Variants in ABCC11 observed in about 807,000 individuals in gnomAD.
ABCC11 encodes the protein ATP-binding cassette sub-family C member 11.
In ABCC11, 135 loss-of-function variants were observed where a neutral mutation model predicts 149.3. The observed-to-expected ratio is 0.90, with a 90% confidence interval of 0.79 to 1.04. The LOEUF is 1.04. Among genes scored for constraint, ABCC11 ranks in the 50% least tolerant of loss-of-function variants. The pLI is 0.00. For synonymous variants in ABCC11, 665 were observed against 671.4 expected (o/e 0.99, Z 0.15); for missense variants, 1,680 against 1,722.1 (o/e 0.98, Z 0.43).
chr16:48,188,689 G>A (rs1430904282), intron 20 of ABCC11, among the ~76,000 whole-genome samples: 1 of 152,162 alleles, frequency 6.6e-6, no homozygotes. Context: ...TACTCATTAC[G>A]CAAGTGGTTA....
intron 7 of ABCC11, 78 bp downstream of exon 7, chr16:48,216,036 A>G: frequency 6.9e-7 from 1 of 1,445,664 alleles, no homozygotes; most frequent in Non-Finnish European, 9.6e-7. Context: ...CAATGTTCTC[A>G]CTCAGAGCTA....
intron 10 of ABCC11, 116 bp downstream of exon 10, chr16:48,213,327 A>T: frequency 1.2e-6 from 1 of 827,518 alleles, no homozygotes; most frequent in Non-Finnish European, 1.9e-6. Context: ...GAGTTAGCTA[A>T]TCCCTCTCTC....
In ABCC11 at chr16:48,167,192, G is replaced by T. The variant is rs575394783; in HGVS notation, c.*82C>A. 2 of 748,446 alleles carry T rather than the reference G, an allele frequency of 2.7e-6. No individual in the cohort carries two copies. The highest frequency in any genetic ancestry group is 2.5e-5 in the East Asian group (1 of 40,594). The allele number at this position is 748,446 out of a possible 1,614,324, so 46.4% of individuals were successfully genotyped here. A position where few individuals can be genotyped will look rare whatever the true frequency, so the allele number is the denominator to read the frequency against. Reference sequence around the variant, plus strand: ...GAAGTTCTCATCTCCAAACAAGAAGGTCGCAGACTGTGGGCCTCGAAGCTG... The same window carrying T: ...GAAGTTCTCATCTCCAAACAAGAAGTTCGCAGACTGTGGGCCTCGAAGCTG... On this transcript the variant is annotated 3_prime_UTR_variant, in exon 30 of 30. Coordinates refer to ENST00000356608, the MANE Select transcript of ABCC11 (RefSeq NM_001370497.1).
At chr16:48,234,806 A>G (rs1188241035) in intron 1 of ABCC11, among the ~76,000 whole-genome samples, 1 of 152,156 alleles carries the variant, frequency 6.6e-6, no homozygotes, top group African/African-American at 2.4e-5. Context: ...GAGCCAAAAA[A>G]GGATTACTGT....
chr16:48,219,525 C>T (rs1368801973), intron 6 of ABCC11, among the ~76,000 whole-genome samples: 1 of 152,146 alleles, frequency 6.6e-6, no homozygotes, highest in Non-Finnish European at 1.5e-5. Context: ...TGGTGCTAAT[C>T]TCTGGGCACA....
intron 6 of ABCC11, among the ~76,000 whole-genome samples, chr16:48,219,992 T>A (rs764030003): frequency 2.0e-5 from 3 of 152,156 alleles, no homozygotes; most frequent in Non-Finnish European, 4.4e-5. Flanking sequence ...AAAAATAAAT[T>A]AATTAATTGA....
intron 7 of ABCC11, 47 bp from the exon 8 acceptor site, chr16:48,215,391 C>T: frequency 6.3e-7 from 1 of 1,595,570 alleles, no homozygotes; most frequent in South Asian, 1.1e-5. Flanking sequence ...CAAGGGCTTC[C>T]TTTGACAAGG....
At chr16:48,211,911 C>T (rs1455758580) in intron 10 of ABCC11, among the ~76,000 whole-genome samples, 3 of 152,218 alleles carry the variant, frequency 2.0e-5, no homozygotes, top group Non-Finnish European at 4.4e-5. Context: ...GTTACATTCA[C>T]ATATCCCTAC....
At chr16:48,169,503 T>C (rs1327749834) in intron 28 of ABCC11, among the ~76,000 whole-genome samples, 2 of 152,050 alleles carry the variant, frequency 1.3e-5, no homozygotes, top group Non-Finnish European at 2.9e-5. Context: ...TTTTGTCAGG[T>C]TTGTCAAAGA....
chr16:48,239,436 C>A (rs1280118858), intron 1 of ABCC11, among the ~76,000 whole-genome samples: 1 of 151,826 alleles, frequency 6.6e-6, no homozygotes, highest in Non-Finnish European at 1.5e-5. Flanking sequence ...GTGGCAGATG[C>A]CTGTAGTCCC....
chr16:48,243,401 CAAAAAA>C (rs541776018), intron 1 of ABCC11, among the ~76,000 whole-genome samples: 6 of 72,832 alleles, frequency 8.2e-5, no homozygotes, highest in African/African-American at 1.8e-4. Flanking sequence ...GACTCCGTCT[CAAAAAA>C]AAAAAAAAAA....
chr16:48,169,860 A>G (rs192842549), intron 28 of ABCC11, among the ~76,000 whole-genome samples: 2,731 of 152,178 alleles, frequency 0.018, 102 homozygotes, highest in African/African-American at 0.064. Context: ...GCACATGTAT[A>G]CATATGTAAC....
chr16:48,246,377 T>C (rs1437800433), intron 1 of ABCC11, among the ~76,000 whole-genome samples: 1 of 152,214 alleles, frequency 6.6e-6, no homozygotes, highest in Non-Finnish European at 1.5e-5. Context: ...TATTTTGCCT[T>C]CTGTGCCCAG....
At chr16:48,170,249 C>A (rs1397850991) in intron 27 of ABCC11, 31 bp from the exon 28 acceptor site, 1 of 1,571,358 alleles carries the variant, frequency 6.4e-7, no homozygotes, top group Admixed American at 1.7e-5. Context: ...ACAACATAAC[C>A]TGGAAGCCAC....
Position 48,208,514 on chromosome 16 carries a change from C to A in ABCC11, c.1609-18G>T. On this transcript the variant is annotated intron_variant, in intron 11 of 29. Coordinates refer to ENST00000356608, the MANE Select transcript of ABCC11 (RefSeq NM_001370497.1). ...ATCATCCCCTGCAAGCCAAGGAGGA[C>A]ATACAAGTGTTGGGACAGCATAGCC... is the stretch of plus-strand genomic sequence containing the variant. The A allele has an allele frequency of 6.2e-7, 1 of 1,613,966 alleles. No individual in the cohort carries two copies. Among genetic ancestry groups the A allele is most frequent in the Non-Finnish European group, 8.5e-7 (1 of 1,179,918 alleles).
At chr16:48,243,046 A>G (rs1224883396) in intron 1 of ABCC11, among the ~76,000 whole-genome samples, 1 of 151,516 alleles carries the variant, frequency 6.6e-6, no homozygotes, top group Non-Finnish European at 1.5e-5. Context: ...AACTTAAACT[A>G]TAATAAAAAA....
At chr16:48,189,772 C>T (rs938829239) in intron 20 of ABCC11, among the ~76,000 whole-genome samples, 3 of 152,200 alleles carry the variant, frequency 2.0e-5, no homozygotes, top group African/African-American at 7.2e-5. Context: ...CCCCCTCCTG[C>T]TTTCTGGTTC....
intron 12 of ABCC11, among the ~76,000 whole-genome samples, chr16:48,207,875 G>A (rs1596770612): frequency 6.6e-6 from 1 of 152,060 alleles, no homozygotes. Flanking sequence ...GCCAGAGTAC[G>A]AGTAAGACTG....
At position 48,213,415 on chromosome 16, in the gene ABCC11, G is replaced by T. The variant is rs1041284917; in HGVS notation, c.1356+28C>A. 10 of 1,582,168 alleles carry T rather than the reference G, an allele frequency of 6.3e-6. No homozygotes were observed. The African/African-American group carries it at 9.5e-5, about 15-fold the overall frequency. On this transcript the variant is annotated intron_variant, in intron 10 of 29. Coordinates refer to ENST00000356608, the MANE Select transcript of ABCC11 (RefSeq NM_001370497.1). ...AGGCAGAGGAGCGTCCAAGCAGGGG[G>T]CCTACAGCCAGTCCCCTGATGACCT...
Sources: allele counts gnomAD v4.1 joint callset (sites outside exome capture counted in the v4.1 genomes callset), GRCh38; gene constraint gnomAD v4.1.1; transcripts MANE v1.5; gene names NCBI Gene and HGNC (gene_info 2026-07-23, HGNC 2026-07-21).